SHTN1: variants seen among roughly 807,000 people sequenced by gnomAD.
SHTN1 encodes the protein shootin 1.
SHTN1 carries 42 observed loss-of-function variants against 83.1 expected under a neutral mutation model. The ratio of observed to expected loss-of-function variants is 0.51; its 90% CI spans 0.39 to 0.65. The LOEUF is 0.65. Among genes scored for constraint, SHTN1 ranks in the 30% least tolerant of loss-of-function variants. The pLI is 0.00. For missense variants in SHTN1, 622 were observed against 737.8 expected (o/e 0.84, Z 1.82); for synonymous variants, 224 against 247.7 (o/e 0.90, Z 0.90).
At chr10:117,102,774 G>GA (rs1308686776) in intron 1 of SHTN1, among the ~76,000 whole-genome samples, 1 of 152,084 alleles carries the variant, frequency 6.6e-6, no homozygotes, top group East Asian at 1.9e-4. Flanking sequence ...TCTCAGTGAT[G>GA]AAAAAGGGGA....
chr10:117,022,127 CTA>C, intron 2 of SHTN1, among the ~76,000 whole-genome samples: 1 of 152,218 alleles, frequency 6.6e-6, no homozygotes, highest in South Asian at 2.1e-4. Context: ...GACTATATCT[CTA>C]TATATAGTCT....
At chr10:117,091,671 T>C (rs1383240117) in intron 1 of SHTN1, among the ~76,000 whole-genome samples, 3 of 152,222 alleles carry the variant, frequency 2.0e-5, no homozygotes, top group Non-Finnish European at 2.9e-5. Flanking sequence ...TCTTGCAGTT[T>C]TTAGCATATA....
chr10:117,052,024 A>ATATATATATAT (rs1417984142), intron 1 of SHTN1, among the ~76,000 whole-genome samples: 17 of 130,432 alleles, frequency 1.3e-4, no homozygotes, highest in South Asian at 2.4e-4. Context: ...ATATATATAG[A>ATATATATATAT]AAAGCCTAAG....
chr10:116,893,846 A>T (rs1847424980), intron 16 of SHTN1, among the ~76,000 whole-genome samples: 1 of 152,208 alleles, frequency 6.6e-6, no homozygotes, highest in African/African-American at 2.4e-5. Context: ...AAGAATCTCA[A>T]TTTTTATTTG....
chr10:117,116,747 T>C (rs915568164), intron 1 of SHTN1, among the ~76,000 whole-genome samples: 1 of 152,168 alleles, frequency 6.6e-6, no homozygotes, highest in African/African-American at 2.4e-5. Flanking sequence ...GATGCAAGGA[T>C]GGTTCAACAT....
Position 116,915,444 on chromosome 10 carries a change from C to T in SHTN1, c.1236G>A (p.Glu412=), listed in dbSNP as rs1484547405. ...CTCCCTTTTTAATTCTATCCATCAT[C>T]TCTTCAACTGCTTGCCTCTTTAGAT... ...VTDLKRQAVE[E]MMDRIKKGVH... is the part of the protein sequence containing the mutation. The change falls in exon 13 of 17, where the codon GAG becomes GAA. Residue 412 remains glutamate (E), a synonymous_variant. Transcript: ENST00000355371. 6.2e-7 allele frequency: 1 copy of T among 1,611,614 alleles called. No homozygotes were observed. Among genetic ancestry groups the T allele is most frequent in the South Asian group, 1.1e-5 (1 of 90,986 alleles).
chr10:116,983,906 GTTTTCTA>G (rs954006158), intron 1 of SHTN1, among the ~76,000 whole-genome samples: 5 of 152,050 alleles, frequency 3.3e-5, no homozygotes, highest in African/African-American at 1.2e-4. Context: ...AATCATGCTG[GTTTTCTA>G]TTTTCTAACT....
chr10:116,899,548 A>T (rs1905548), intron 16 of SHTN1, among the ~76,000 whole-genome samples: 3,968 of 23,232 alleles, frequency 0.17, 95 homozygotes, highest in Middle Eastern at 0.41. Flanking sequence ...TGTGTGTGTG[A>T]GAGAGTGCAT....
At chr10:117,074,202 T>C (rs1853123449) in intron 1 of SHTN1, among the ~76,000 whole-genome samples, 1 of 152,200 alleles carries the variant, frequency 6.6e-6, no homozygotes, top group Non-Finnish European at 1.5e-5. Flanking sequence ...CAAATGACCC[T>C]GTTGTTCACT....
intron 12 of SHTN1, 111 bp downstream of exon 12, chr10:116,921,323 T>C: frequency 1.4e-6 from 1 of 715,418 alleles, no homozygotes; most frequent in Non-Finnish European, 2.4e-6. Context: ...TGTTCAGTGC[T>C]TCATACTACT....
chr10:116,972,471 C>A (rs772526032), intron 2 of SHTN1, among the ~76,000 whole-genome samples: 1 of 152,190 alleles, frequency 6.6e-6, no homozygotes, highest in Non-Finnish European at 1.5e-5. Context: ...CAAACACCCA[C>A]TTATTTCATC....
At chr10:116,939,152 G>A (rs1210002404) in intron 9 of SHTN1, among the ~76,000 whole-genome samples, 1 of 152,174 alleles carries the variant, frequency 6.6e-6, no homozygotes, top group Non-Finnish European at 1.5e-5. Flanking sequence ...CCTGGCTTCT[G>A]CCCCCTTTCC....
intron 2 of SHTN1, among the ~76,000 whole-genome samples, chr10:117,027,992 G>T (rs1189762085): frequency 6.6e-6 from 1 of 152,188 alleles, no homozygotes; most frequent in Non-Finnish European, 1.5e-5. Flanking sequence ...CTAGAGACTT[G>T]TTGAATGGTC....
rs1480142712 is a variant in SHTN1 at position 116,901,955 on chromosome 10, G to C, written c.1483C>G (p.Pro495Ala). The C allele has an allele frequency of 6.3e-7, 1 of 1,594,658 alleles. No individual in the cohort carries two copies. The highest frequency in any genetic ancestry group is 1.8e-5 in the Admixed American group (1 of 55,710). ...KVTAEADSSS[P>A]TGILATSESK... ...TCTGAGGTGGCTAATATCCCAGTTG[G>C]ACCTTAAAACCAAACACATACCTCA... Residue 495 changes from proline (P) to alanine (A), a missense_variant and splice_region_variant, in exon 16 of 17, where the codon CCA becomes GCA. Coordinates refer to ENST00000355371, the MANE Select transcript of SHTN1 (RefSeq NM_001127211.3).
At chr10:116,963,197 G>A (rs918156422) in intron 3 of SHTN1, among the ~76,000 whole-genome samples, 7 of 148,698 alleles carry the variant, frequency 4.7e-5, no homozygotes, top group Admixed American at 2.0e-4. Context: ...TCAGCCTCCC[G>A]AGTAGCTGGG....
intron 1 of SHTN1, among the ~76,000 whole-genome samples, chr10:116,991,278 T>C (rs1295071412): frequency 1.3e-5 from 2 of 152,240 alleles, no homozygotes; most frequent in African/African-American, 4.8e-5. Context: ...AACTTTAGTA[T>C]AGAATTTTGG....
At chr10:116,886,750 A>C (rs1425343652) in intron 16 of SHTN1, among the ~76,000 whole-genome samples, 184 bp from the exon 17 acceptor site, 2 of 152,248 alleles carry the variant, frequency 1.3e-5, no homozygotes, top group Admixed American at 1.3e-4. Context: ...TACACAGCTG[A>C]TACTAGGAGC....
At chr10:117,010,209 AAATC>A (rs1323779315), upstream of SHTN1, among the ~76,000 whole-genome samples, 74 of 152,172 alleles carry the variant, frequency 4.9e-4, no homozygotes, top group Admixed American at 1.2e-3. Context: ...AGAAATATGA[AAATC>A]AGATATTAAA....
At chr10:116,895,193 C>T (rs1392871707) in intron 16 of SHTN1, among the ~76,000 whole-genome samples, 1 of 152,122 alleles carries the variant, frequency 6.6e-6, no homozygotes, top group Non-Finnish European at 1.5e-5. Context: ...AAGCATCTTT[C>T]TAATCCAATG....
Sources: allele counts gnomAD v4.1 joint callset (sites outside exome capture counted in the v4.1 genomes callset), GRCh38; gene constraint gnomAD v4.1.1; transcripts MANE v1.5; gene names NCBI Gene and HGNC (gene_info 2026-07-23, HGNC 2026-07-21).